The following TRPC4 variants were observed in gnomAD, a reference collection of about 807,000 sequenced individuals.
TRPC4 encodes short transient receptor potential channel 4.
TRPC4 carries 49 observed loss-of-function variants against 99.4 expected under a neutral mutation model. That is an observed-to-expected ratio of 0.49 (90% confidence interval 0.39 to 0.63). The LOEUF (loss-of-function observed/expected upper bound fraction) is 0.63, where lower values mean the gene tolerates loss of function less well. TRPC4 is among the 20% of genes least tolerant of loss of function. The probability of loss-of-function intolerance (pLI) is 0.00; values close to 1 mark genes in which losing one functional copy is unlikely to be tolerated. For synonymous variants in TRPC4, 454 were observed against 425.9 expected (o/e 1.07, Z -0.81); for missense variants, 898 against 1,152.9 (o/e 0.78, Z 3.20).
chr13:37,659,240 T>G (rs954147966), intron 6 of TRPC4, among the ~76,000 whole-genome samples: 45 of 152,138 alleles, frequency 3.0e-4, no homozygotes, highest in African/African-American at 1.1e-3. Context: ...GAGTAATTAG[T>G]GAGTTCTCAC....
intron 2 of TRPC4, among the ~76,000 whole-genome samples, chr13:37,753,912 G>A (rs936094967): frequency 6.6e-6 from 1 of 152,092 alleles, no homozygotes; most frequent in Admixed American, 6.6e-5. Flanking sequence ...TTGATAAAGA[G>A]GCTTTTCTTA....
chr13:37,760,316 T>C (rs556507018), intron 2 of TRPC4, among the ~76,000 whole-genome samples: 2 of 152,066 alleles, frequency 1.3e-5, no homozygotes, highest in East Asian at 3.9e-4. Flanking sequence ...AAATTGGTGT[T>C]TGCCTTTTCC....
intron 1 of TRPC4, among the ~76,000 whole-genome samples, chr13:37,828,704 C>T (rs1958323186): frequency 6.6e-6 from 1 of 152,164 alleles, no homozygotes; most frequent in Admixed American, 6.5e-5. Flanking sequence ...GGCCTGGAGG[C>T]CATTATCCTA....
intron 1 of TRPC4, among the ~76,000 whole-genome samples, chr13:37,808,845 C>G (rs1333367): frequency 0.29 from 43,845 of 151,748 alleles, 6,554 homozygotes; most frequent in East Asian, 0.43. Context: ...TAATAAATAC[C>G]CAGCATGCTA....
At chr13:37,740,732 C>G (rs1013562338) in intron 3 of TRPC4, among the ~76,000 whole-genome samples, 1 of 152,128 alleles carries the variant, frequency 6.6e-6, no homozygotes, top group Non-Finnish European at 1.5e-5. Context: ...TGAAATAAAT[C>G]AAGAAACAGA....
At chr13:37,845,253 A>T (rs948358301) in intron 1 of TRPC4, among the ~76,000 whole-genome samples, 21 of 150,544 alleles carry the variant, frequency 1.4e-4, no homozygotes, top group Non-Finnish European at 3.0e-4. Context: ...GATGATGAAA[A>T]ATTAGGGAAA....
chr13:37,819,755 A>T (rs954858614), intron 1 of TRPC4, among the ~76,000 whole-genome samples: 6 of 151,862 alleles, frequency 4.0e-5, no homozygotes, highest in African/African-American at 7.3e-5. Flanking sequence ...AATAATCTGT[A>T]CAACGAACCC....
At chr13:37,759,297 C>T (rs910392872) in intron 2 of TRPC4, among the ~76,000 whole-genome samples, 2 of 151,720 alleles carry the variant, frequency 1.3e-5, no homozygotes, top group East Asian at 1.9e-4. Flanking sequence ...ATGTAAAAAA[C>T]AAAAGGCAAC....
chr13:37,816,190 A>T (rs1438993978), intron 1 of TRPC4, among the ~76,000 whole-genome samples: 1 of 151,880 alleles, frequency 6.6e-6, no homozygotes, highest in African/African-American at 2.4e-5. Context: ...ATTATATAAT[A>T]GTAAAGGATT....
chr13:37,778,193 C>G (rs144738654), intron 2 of TRPC4, among the ~76,000 whole-genome samples: 1 of 152,172 alleles, frequency 6.6e-6, no homozygotes, highest in East Asian at 1.9e-4. Flanking sequence ...GCCAGACCAG[C>G]ATATGTCTTC....
chr13:37,778,177 G>C (rs1328253345), intron 2 of TRPC4, among the ~76,000 whole-genome samples: 1 of 152,018 alleles, frequency 6.6e-6, no homozygotes, highest in Non-Finnish European at 1.5e-5. Flanking sequence ...CGATGCAGTG[G>C]CTAAAGCCAG....
chr13:37,716,054 A>C (rs573971675), intron 3 of TRPC4, among the ~76,000 whole-genome samples: 2 of 152,212 alleles, frequency 1.3e-5, no homozygotes, highest in Admixed American at 6.5e-5. Flanking sequence ...GTTAGAATGT[A>C]ATATGTTGTT....
At chr13:37,662,567 TTATAG>T (rs962561012) in intron 6 of TRPC4, among the ~76,000 whole-genome samples, 120 of 152,332 alleles carry the variant, frequency 7.9e-4, no homozygotes, top group African/African-American at 2.7e-3. Flanking sequence ...CCATCCTCTC[TTATAG>T]TATACAAGAT....
At chr13:37,739,259 C>T (rs1955505209) in intron 3 of TRPC4, among the ~76,000 whole-genome samples, 2 of 152,080 alleles carry the variant, frequency 1.3e-5, no homozygotes, top group African/African-American at 4.8e-5. Flanking sequence ...GCAGTTTAAA[C>T]ATAGAAGAAG....
At chr13:37,865,307 G>T (rs1421337378) in intron 1 of TRPC4, among the ~76,000 whole-genome samples, 1 of 151,498 alleles carries the variant, frequency 6.6e-6, no homozygotes, top group Non-Finnish European at 1.5e-5. Flanking sequence ...GGCCTAGCAT[G>T]ACCTTTTTTT....
intron 1 of TRPC4, among the ~76,000 whole-genome samples, chr13:37,792,723 T>TTGTGTGTGTGTGTG (rs57918365): frequency 6.8e-6 from 1 of 146,640 alleles, no homozygotes; most frequent in African/African-American, 2.5e-5. Flanking sequence ...GCTTCTAAAT[T>TTGTGTGTGTGTGTG]TGTGTGTGTG....
chr13:37,728,874 T>A (rs1346808384), intron 3 of TRPC4, among the ~76,000 whole-genome samples: 1 of 152,116 alleles, frequency 6.6e-6, no homozygotes, highest in Non-Finnish European at 1.5e-5. Context: ...AAATGAGCCC[T>A]CACATATGTG....
intron 1 of TRPC4, among the ~76,000 whole-genome samples, chr13:37,823,558 G>T (rs1399604334): frequency 1.3e-5 from 2 of 151,690 alleles, no homozygotes; most frequent in Non-Finnish European, 2.9e-5. Flanking sequence ...TTTTTCTCAG[G>T]TTTGTCAAAG....
chr13:37,864,733 T>G (rs1375813649), intron 1 of TRPC4, among the ~76,000 whole-genome samples: 4 of 151,606 alleles, frequency 2.6e-5, no homozygotes, highest in Admixed American at 6.6e-5. Context: ...GTATTTATAC[T>G]TGGGACATCT....
Sources: allele counts gnomAD v4.1 joint callset (sites outside exome capture counted in the v4.1 genomes callset), GRCh38; gene constraint gnomAD v4.1.1; transcripts MANE v1.5; gene names NCBI Gene and HGNC (gene_info 2026-07-23, HGNC 2026-07-21).